Variants in ZFYVE28 observed in about 807,000 individuals in gnomAD.
The protein encoded by ZFYVE28 is zinc finger FYVE-type containing 28.
Under a neutral mutation model 82.1 loss-of-function variants are expected in ZFYVE28, and 40 were observed. The ratio of observed to expected loss-of-function variants is 0.49; its 90% CI spans 0.38 to 0.63. The LOEUF is 0.63. ZFYVE28 is among the 30% of genes least tolerant of loss of function. The probability of loss-of-function intolerance (pLI) is 0.00; values close to 1 mark genes in which losing one functional copy is unlikely to be tolerated. For missense variants in ZFYVE28, 1,321 were observed against 1,242.1 expected (o/e 1.06, Z -0.96); for synonymous variants, 612 against 546.1 (o/e 1.12, Z -1.68).
intron 4 of ZFYVE28, among the ~76,000 whole-genome samples, 172 bp from the exon 5 acceptor site, chr4:2,337,668 G>A (rs1722064696): frequency 6.6e-6 from 1 of 152,086 alleles, no homozygotes; most frequent in Admixed American, 6.5e-5. Context: ...GATGGCTTGA[G>A]CCCAGGAGTT....
At chr4:2,374,645 A>G (rs1263139332) in intron 1 of ZFYVE28, among the ~76,000 whole-genome samples, 1 of 151,364 alleles carries the variant, frequency 6.6e-6, no homozygotes, top group Non-Finnish European at 1.5e-5. Context: ...GGAGAAGGAG[A>G]AGGAGGAGGA....
Position 2,270,789 on chromosome 4 carries a change from C to G in ZFYVE28, c.2600G>C (p.Arg867Pro). ...LPRYGQVKPV[R>P]VCTHCYMFHV... ...GAACATGTAGCAGTGGGTGCACACT[C>G]GGACCGGCTTCACCTGCCCGTAGCG... Residue 867 changes from arginine (R) to proline (P), a missense_variant, in exon 13 of 13, where the codon CGA becomes CCA. Around this residue, in one of 2 missense-constraint regions of ZFYVE28, gnomAD observed 978 missense variants for 833.7 expected, o/e 1.17. Coordinates refer to ENST00000290974, the MANE Select transcript of ZFYVE28 (RefSeq NM_020972.3). 6.2e-7 allele frequency: 1 copy of G among 1,613,158 alleles called. No individual in the cohort carries two copies. The highest frequency in any genetic ancestry group is 1.1e-5 in the South Asian group (1 of 91,082).
intron 8 of ZFYVE28, among the ~76,000 whole-genome samples, chr4:2,278,905 T>A (rs1711536816): frequency 6.6e-6 from 1 of 150,800 alleles, no homozygotes; most frequent in African/African-American, 2.5e-5. Context: ...AATACCATTT[T>A]ATCTATTAGG....
intron 1 of ZFYVE28, among the ~76,000 whole-genome samples, chr4:2,378,422 A>C (rs1026231949): frequency 6.6e-6 from 1 of 152,166 alleles, no homozygotes; most frequent in Non-Finnish European, 1.5e-5. Context: ...ATGACTGCAC[A>C]TTTCTTTATC....
intron 8 of ZFYVE28, among the ~76,000 whole-genome samples, chr4:2,283,706 G>A (rs2108805220): frequency 6.6e-6 from 1 of 152,326 alleles, no homozygotes; most frequent in Non-Finnish European, 1.5e-5. Flanking sequence ...ATCAATAGGT[G>A]AACAGTTAAT....
chr4:2,373,876 C>T (rs1233200636), intron 1 of ZFYVE28, among the ~76,000 whole-genome samples: 4 of 152,236 alleles, frequency 2.6e-5, no homozygotes, highest in African/African-American at 9.6e-5. Context: ...GGGGAACGCA[C>T]AGGGATTCCT....
chr4:2,334,257 G>C lies in ZFYVE28; in HGVS notation c.701+1448C>G, dbSNP rs1019638482. On this transcript the variant is annotated intron_variant, in intron 6 of 12. Coordinates refer to ENST00000290974, the MANE Select transcript of ZFYVE28 (RefSeq NM_020972.3). ...CCAGGGCCCAGCAGATAGAGACCAC[G>C]CTGGAGCCCTCCCGGAGGAGGTGGC... 2.0e-5 allele frequency among the ~76,000 whole-genome samples: 3 copies of C among 152,102 alleles called. No homozygotes were observed. The South Asian group carries it at 6.2e-4, about 31-fold the overall frequency.
rs773590589 is a variant in ZFYVE28, at chr4:2,354,086, G to A, written c.40-13C>T. The A allele has an allele frequency of 6.4e-5, 98 of 1,527,110 alleles. No homozygotes were observed. The highest frequency in any genetic ancestry group is 1.7e-4 in the Middle Eastern group (1 of 5,770). 94.6% of individuals were successfully genotyped at this position (1,527,110 alleles called of 1,614,324 possible). A position where few individuals can be genotyped will look rare whatever the true frequency, so the allele number is the denominator to read the frequency against. Reference sequence around the variant, plus strand: ...GCGGATCCGACCTCTGCAGGAGAGAGGGGCCAGGGCCATGAGTGGGTGGGG... The same window carrying A: ...GCGGATCCGACCTCTGCAGGAGAGAAGGGCCAGGGCCATGAGTGGGTGGGG... On this transcript the variant is annotated splice_polypyrimidine_tract_variant and intron_variant, in intron 1 of 12. Coordinates refer to ENST00000290974, the MANE Select transcript of ZFYVE28 (RefSeq NM_020972.3).
At chr4:2,305,705 CA>C (rs1716464487) in intron 7 of ZFYVE28, among the ~76,000 whole-genome samples, 169 bp from the exon 8 acceptor site, 1 of 152,238 alleles carries the variant, frequency 6.6e-6, no homozygotes, top group Non-Finnish European at 1.5e-5. Context: ...CACCACGGAA[CA>C]AGGCTCCGGT....
chr4:2,330,327 G>A (rs1291607764), intron 6 of ZFYVE28: 5 of 989,638 alleles, frequency 5.1e-6, no homozygotes, highest in Non-Finnish European at 3.6e-6. Flanking sequence ...CTGCTGGTGG[G>A]AGAGGGCTTG....
rs1321861074 is a variant in ZFYVE28 at position 2,418,354 on chromosome 4, G to T, written c.-31C>A. On this transcript the variant is annotated 5_prime_UTR_variant, in exon 1 of 13. Transcript: ENST00000290974. The surrounding 1 kb of genome is among the most constrained non-coding windows in gnomAD (Gnocchi z 4.6). ...CGCCGGCCCTGGCCGGACTCCGGGC[G>T]GCCCTCGCCCTCCGCAGCGCTGCGC... 3 of 1,479,066 alleles carry T rather than the reference G, an allele frequency of 2.0e-6. No homozygotes were observed. Among genetic ancestry groups the T allele is most frequent in the Non-Finnish European group, 2.7e-6 (3 of 1,110,142 alleles). 91.6% of individuals were successfully genotyped at this position (1,479,066 alleles called of 1,614,324 possible). A position where few individuals can be genotyped will look rare whatever the true frequency, so the allele number is the denominator to read the frequency against.
At chr4:2,385,193 G>A (rs1005314233) in intron 1 of ZFYVE28, among the ~76,000 whole-genome samples, 5 of 152,278 alleles carry the variant, frequency 3.3e-5, no homozygotes, top group South Asian at 2.1e-4. Flanking sequence ...ACCCCTTCCC[G>A]TCAGTGGCTT....
chr4:2,323,031 C>T (rs1719331888), intron 6 of ZFYVE28, among the ~76,000 whole-genome samples: 1 of 152,122 alleles, frequency 6.6e-6, no homozygotes. Context: ...TGTTCACGGA[C>T]ATATGTTTTC....
At chr4:2,365,318 G>A (rs962500095) in intron 1 of ZFYVE28, among the ~76,000 whole-genome samples, 2 of 152,040 alleles carry the variant, frequency 1.3e-5, no homozygotes, top group East Asian at 1.9e-4. Flanking sequence ...CCTGTCACTC[G>A]AGCCTGGAGC....
chr4:2,303,330 G>T (rs2108821267), intron 8 of ZFYVE28, among the ~76,000 whole-genome samples: 1 of 152,012 alleles, frequency 6.6e-6, no homozygotes, highest in South Asian at 2.1e-4. Flanking sequence ...CCCTCTCCTG[G>T]GCCTGCCTGC....
At chr4:2,346,087 G>C (rs1723501658) in intron 2 of ZFYVE28, among the ~76,000 whole-genome samples, 2 of 151,584 alleles carry the variant, frequency 1.3e-5, no homozygotes, top group South Asian at 4.1e-4. Flanking sequence ...CCAGCACTTT[G>C]GGAGGCCAGG....
Position 2,304,976 on chromosome 4 carries a change from T to A in ZFYVE28, c.1364A>T (p.Glu455Val). ...AGISLPASEK[E>V]EDLSNNNLEA... ...GAGATTGTTGTTGCTCAAGTCCTCC[T>A]CCTTTTCCGAGGCGGGCAAGCTGAT... is the stretch of plus-strand genomic sequence containing the variant. The change falls in exon 8 of 13, where the codon GAG becomes GTG. Residue 455 changes from glutamate to valine, a missense_variant. This residue lies in a region of ZFYVE28 where 978 missense variants were observed against 833.7 expected (regional missense o/e 1.17). Coordinates refer to ENST00000290974, the MANE Select transcript of ZFYVE28 (RefSeq NM_020972.3). 6.2e-7 allele frequency: 1 copy of A among 1,612,620 alleles called. No homozygotes were observed. The highest frequency in any genetic ancestry group is 8.5e-7 in the Non-Finnish European group (1 of 1,179,838).
At position 2,300,290 on chromosome 4, in the gene ZFYVE28, G is replaced by A. The variant is rs918935323; in HGVS notation, c.2051+3999C>T. On this transcript the variant is annotated intron_variant, in intron 8 of 12. Coordinates refer to ENST00000290974, the MANE Select transcript of ZFYVE28 (RefSeq NM_020972.3). This position sits in a 1 kb window ranked among gnomAD's most constrained non-coding sequence, Gnocchi z 4.6. ...ACAAGTAACTTCCAAGGGTGACTTCGAGAGGACGGAAGGTTCTGGATCAAA... is the reference window on the plus strand; with the variant it reads ...ACAAGTAACTTCCAAGGGTGACTTCAAGAGGACGGAAGGTTCTGGATCAAA... 1.3e-5 allele frequency among the ~76,000 whole-genome samples: 2 copies of A among 152,174 alleles called. No individual in the cohort carries two copies.
At chr4:2,328,074 C>T (rs2108844183) in intron 6 of ZFYVE28, among the ~76,000 whole-genome samples, 1 of 152,280 alleles carries the variant, frequency 6.6e-6, no homozygotes, top group African/African-American at 2.4e-5. Flanking sequence ...CCCCAAACAT[C>T]TGAAATCAGT....
Sources: allele counts gnomAD v4.1 joint callset (sites outside exome capture counted in the v4.1 genomes callset), GRCh38; gene constraint gnomAD v4.1.1; regional missense constraint gnomAD v4.1.1; non-coding constraint Gnocchi (gnomAD v3.1); transcripts MANE v1.5; gene names NCBI Gene and HGNC (gene_info 2026-07-23, HGNC 2026-07-21).